The following CAPN13 variants were observed in gnomAD, a reference collection of about 807,000 sequenced individuals.
The protein encoded by CAPN13 is calpain-13.
Under a neutral mutation model 98.4 loss-of-function variants are expected in CAPN13, and 90 were observed. That is an observed-to-expected ratio of 0.92 (90% CI 0.77 to 1.09). The LOEUF (loss-of-function observed/expected upper bound fraction) is 1.09, where lower values mean the gene tolerates loss of function less well. Ranked by LOEUF, CAPN13 falls within the 50% of genes least tolerant of loss-of-function variation. The pLI is 0.00. For missense variants in CAPN13, 887 were observed against 841.3 expected (o/e 1.05, Z -0.67); for synonymous variants, 330 against 305.5 (o/e 1.08, Z -0.84).
intron 2 of CAPN13, among the ~76,000 whole-genome samples, chr2:30,784,384 A>T (rs1446526337): frequency 1.3e-5 from 2 of 152,196 alleles, no homozygotes; most frequent in African/African-American, 4.8e-5. Flanking sequence ...ACTTTTCCCA[A>T]ATTAATCACA....
intron 19 of CAPN13, among the ~76,000 whole-genome samples, chr2:30,734,041 T>A (rs775234743): frequency 2.0e-5 from 3 of 152,182 alleles, no homozygotes; most frequent in Non-Finnish European, 4.4e-5. Context: ...TTTGATTTAA[T>A]TTAGCCCCAA....
chr2:30,776,113 A>C (rs1422843709), intron 3 of CAPN13, 68 bp from the exon 4 acceptor site: 2 of 1,022,444 alleles, frequency 2.0e-6, no homozygotes, highest in South Asian at 1.5e-5. Context: ...ATAATTTCAA[A>C]GGTCCTTACC....
chr2:30,750,787 C>T lies in CAPN13; in HGVS notation c.1236+316G>A, dbSNP rs556209758. Reference sequence around the variant, plus strand: ...AGGTCTGGAGTAAGCCCAGAATCTGCTTTGTTAGAACAGCTGGTCTTGGCC... The same window carrying T: ...AGGTCTGGAGTAAGCCCAGAATCTGTTTTGTTAGAACAGCTGGTCTTGGCC... On this transcript the variant is annotated intron_variant, in intron 11 of 22. Transcript: ENST00000295055. Among the ~76,000 whole-genome samples the T allele has an allele frequency of 4.6e-5, 7 of 152,298 alleles. 1 individual carries two copies. Among genetic ancestry groups the T allele is most frequent in the African/African-American group, 1.7e-4 (7 of 41,562 alleles).
At position 30,787,962 on chromosome 2, in the gene CAPN13, A is replaced by C. The variant is rs148595434; in HGVS notation, c.-32-605T>G. Among the ~76,000 whole-genome samples the C allele has an allele frequency of 2.2e-3, 341 of 152,288 alleles. 1 individual carries two copies. The highest frequency in any genetic ancestry group is 8.0e-3 in the African/African-American group (331 of 41,552). On this transcript the variant is annotated intron_variant, in intron 1 of 22. Coordinates refer to ENST00000295055, the MANE Select transcript of CAPN13 (RefSeq NM_144575.3). ...GAGGGTGTGGGCAGGGACTGGAAGC[A>C]GGAAGGAAGCCAGGAGCTCCTGCAC...
intron 20 of CAPN13, among the ~76,000 whole-genome samples, chr2:30,731,808 C>T (rs1057273474): frequency 4.6e-5 from 7 of 152,200 alleles, no homozygotes; most frequent in African/African-American, 1.7e-4. Flanking sequence ...TTTACCCTCC[C>T]AGAGCCTTAG....
intron 1 of CAPN13, among the ~76,000 whole-genome samples, chr2:30,791,232 A>T (rs1674592753): frequency 6.6e-6 from 1 of 152,222 alleles, no homozygotes. Flanking sequence ...CAACAGTGAT[A>T]AGTATGTGAA....
chr2:30,802,548 G>A (rs905245690), intron 1 of CAPN13, among the ~76,000 whole-genome samples: 10 of 149,340 alleles, frequency 6.7e-5, no homozygotes, highest in East Asian at 2.0e-4. Context: ...AGGCTGGGGG[G>A]GGGGGGTGGT....
At position 30,751,083 on chromosome 2, in the gene CAPN13, C is replaced by G. The variant is rs1192715722; in HGVS notation, c.1236+20G>C. 6.2e-6 allele frequency: 10 copies of G among 1,612,038 alleles called. No individual in the cohort carries two copies. Among genetic ancestry groups the G allele is most frequent in the Non-Finnish European group, 8.5e-6 (10 of 1,179,046 alleles). On this transcript the variant is annotated intron_variant, in intron 11 of 22. Coordinates refer to ENST00000295055, the MANE Select transcript of CAPN13 (RefSeq NM_144575.3). ...ACACTAAATTTCTACAAGGGAAAGC[C>G]CTGAAGCAGGCTGCCTTACCAGAAT...
intron 2 of CAPN13, among the ~76,000 whole-genome samples, chr2:30,782,697 C>T (rs774688485): frequency 3.3e-5 from 5 of 152,192 alleles, no homozygotes; most frequent in Non-Finnish European, 5.9e-5. Flanking sequence ...GAGCTTCGAA[C>T]ACCTGTTAAG....
intron 7 of CAPN13, among the ~76,000 whole-genome samples, chr2:30,759,053 TCCCTCCCTCCCTCCCTCCTCCCTC>T (rs1396092675): frequency 3.2e-3 from 38 of 11,846 alleles, no homozygotes; most frequent in East Asian, 0.023. Context: ...CTTCCTTCCT[TCCCTCCCTCCCTCCCTCCTCCCTC>T]CCTTCCTCTC....
At chr2:30,787,022 T>G in intron 2 of CAPN13, 106 bp downstream of exon 2, 2 of 815,176 alleles carry the variant, frequency 2.5e-6, no homozygotes, top group Non-Finnish European at 3.9e-6. Context: ...GTGAATTTCA[T>G]TCTCCTTCCA....
intron 1 of CAPN13, among the ~76,000 whole-genome samples, chr2:30,793,962 A>C (rs1379173520): frequency 6.6e-6 from 1 of 151,862 alleles, no homozygotes; most frequent in East Asian, 1.9e-4. Flanking sequence ...GGTAAAACTT[A>C]AATTATAATA....
intron 1 of CAPN13, among the ~76,000 whole-genome samples, chr2:30,805,522 C>T (rs1183062586): frequency 6.6e-6 from 1 of 152,146 alleles, no homozygotes; most frequent in Non-Finnish European, 1.5e-5. Flanking sequence ...ATATCTTCAG[C>T]ACTTGCCATG....
At chr2:30,768,939 A>G (rs1014891716) in intron 5 of CAPN13, among the ~76,000 whole-genome samples, 1 of 151,970 alleles carries the variant, frequency 6.6e-6, no homozygotes, top group Non-Finnish European at 1.5e-5. Context: ...GAACCCCCAA[A>G]TAGCACAGGA....
chr2:30,751,204 T>C lies in CAPN13; in HGVS notation c.1135A>G (p.Met379Val), dbSNP rs371678034. ...CACACGACAACATTGGTGCCTTCCA[T>C]TGGCTCTTGCACAGAGAAGTTGAAT... ...AQFNFSVQEP[M>V]EGTNVVVCVT... The change falls in exon 11 of 23, where the codon ATG (methionine) becomes GTG (valine). Residue 379 changes from methionine to valine, a missense_variant. Coordinates refer to ENST00000295055, the MANE Select transcript of CAPN13 (RefSeq NM_144575.3). The C allele has an allele frequency of 1.9e-6, 3 of 1,614,010 alleles. No individual in the cohort carries two copies. The highest frequency in any genetic ancestry group is 2.5e-6 in the Non-Finnish European group (3 of 1,179,882).
chr2:30,785,941 C>A lies in CAPN13; in HGVS notation c.198+1187G>T, dbSNP rs569023404. On this transcript the variant is annotated intron_variant, in intron 2 of 22. Transcript: ENST00000295055. ...AAGAGGACCCTAGAATGCTGAAACA[C>A]CCCACTTTTCTCTAAGCAGCATCCC... Among the ~76,000 whole-genome samples the A allele has an allele frequency of 2.6e-5, 4 of 152,262 alleles. No homozygotes were observed. The South Asian group carries it at 8.3e-4, about 32-fold the overall frequency.
At chr2:30,738,868 G>A (rs1671516264) in intron 15 of CAPN13, among the ~76,000 whole-genome samples, 1 of 134,370 alleles carries the variant, frequency 7.4e-6, no homozygotes, top group South Asian at 2.2e-4. Flanking sequence ...CTGTGTGCAT[G>A]TGTGTGTGTT....
intron 19 of CAPN13, 30 bp from the exon 20 acceptor site, chr2:30,732,596 A>G: frequency 6.3e-7 from 1 of 1,594,888 alleles, no homozygotes; most frequent in Non-Finnish European, 8.5e-7. Context: ...AGTGAGTGAG[A>G]GGAGGCTAGG....
intron 9 of CAPN13, 90 bp from the exon 10 acceptor site, chr2:30,753,288 T>G: frequency 1.5e-6 from 2 of 1,347,130 alleles, no homozygotes; most frequent in Non-Finnish European, 2.1e-6. Context: ...GCCACTGTCC[T>G]GCCCAGAGGC....
Sources: allele counts gnomAD v4.1 joint callset (sites outside exome capture counted in the v4.1 genomes callset), GRCh38; gene constraint gnomAD v4.1.1; transcripts MANE v1.5; gene names NCBI Gene and HGNC (gene_info 2026-07-23, HGNC 2026-07-21).